Variants in OPA3 observed in about 807,000 individuals in gnomAD.
OPA3 encodes optic atrophy 3 protein.
Under a neutral mutation model 4.0 loss-of-function variants are expected in OPA3, and 6 were observed. The ratio of observed to expected loss-of-function variants is 1.51; its 90% CI spans 0.83 to 2.99. The LOEUF (loss-of-function observed/expected upper bound fraction) is 2.99, where lower values mean the gene tolerates loss of function less well. Among genes scored for constraint, OPA3 ranks in the 30% most tolerant of loss-of-function variants. The probability of loss-of-function intolerance (pLI) is 0.00; values close to 1 mark genes in which losing one functional copy is unlikely to be tolerated. For missense variants in OPA3, 235 were observed against 256.2 expected, an observed-to-expected ratio of 0.92 and a Z score of 0.56; for synonymous variants, 105 against 117.1, an observed-to-expected ratio of 0.90 and a Z score of 0.67.
intron 1 of OPA3, among the ~76,000 whole-genome samples, chr19:45,577,475 C>A (rs2122509319): frequency 6.6e-6 from 1 of 152,268 alleles, no homozygotes; most frequent in East Asian, 1.9e-4. Context: ...ATGTAAGAAG[C>A]CAGTACATTG....
chr19:45,559,392 TC>T lies in OPA3; in HGVS notation c.143-5482del, dbSNP rs1303579494. Among the ~76,000 whole-genome samples the T allele has an allele frequency of 5.0e-3, 566 of 113,132 alleles. 23 individuals carry two copies. The highest frequency in any genetic ancestry group is 0.017 in the African/African-American group (507 of 29,206). 74.2% of individuals were successfully genotyped at this position (113,132 alleles called of 152,430 possible). On this transcript the variant is annotated intron_variant, in intron 1 of 1. Transcript: ENST00000263275. The stretch of plus-strand genomic sequence containing the variant: ...CTTCTCTCTCTTCTTTCCCTCTTTT[TC>T]TTTCTTTTTTTTTTTTTTTTTTTTT...
At chr19:45,566,156 T>C (rs749635543) in intron 1 of OPA3, among the ~76,000 whole-genome samples, 8 of 152,176 alleles carry the variant, frequency 5.3e-5, no homozygotes, top group Non-Finnish European at 1.2e-4. Flanking sequence ...TTTATTATTA[T>C]TATTGTTTTT....
Position 45,553,852 on chromosome 19 carries a change from TG to T in OPA3, c.201del (p.Ile68SerfsTer4). ...KMRIMGFRGT[V>X]IKPLNEEAAA... Reference sequence around the variant, plus strand: ...GCCGCCTCCTCGTTCAGCGGCTTGATGACCGTGCCCCGGAAGCCCATGATGC... The same window carrying T: ...GCCGCCTCCTCGTTCAGCGGCTTGATACCGTGCCCCGGAAGCCCATGATGC... On this transcript the variant is annotated frameshift_variant, in exon 2 of 2. Transcript: ENST00000263275. LOFTEE classifies it low-confidence loss of function (END_TRUNC). 1 of 1,612,400 alleles carries T rather than the reference TG, an allele frequency of 6.2e-7. No individual in the cohort carries two copies. Among genetic ancestry groups the T allele is most frequent in the Non-Finnish European group, 8.5e-7 (1 of 1,178,976 alleles).
intron 1 of OPA3, among the ~76,000 whole-genome samples, chr19:45,574,598 C>T (rs888502778): frequency 1.3e-5 from 2 of 152,108 alleles, no homozygotes; most frequent in Non-Finnish European, 2.9e-5. Context: ...GGTCAAGCTG[C>T]CTGCTCAAAG....
At chr19:45,532,914 G>A (rs1250400444) in intron 1 of OPA3, among the ~76,000 whole-genome samples, 2 of 151,844 alleles carry the variant, frequency 1.3e-5, no homozygotes, top group Admixed American at 6.6e-5. Flanking sequence ...TTTTTGAGAT[G>A]GAGTTTTGCT....
intron 1 of OPA3, among the ~76,000 whole-genome samples, chr19:45,563,183 G>A (rs965692748): frequency 3.9e-5 from 6 of 151,950 alleles, no homozygotes; most frequent in Admixed American, 2.0e-4. Flanking sequence ...TTTTAGAGTC[G>A]GAGTCTCACT....
intron 1 of OPA3, among the ~76,000 whole-genome samples, chr19:45,562,505 A>G (rs1013300219): frequency 2.0e-5 from 3 of 149,528 alleles, no homozygotes; most frequent in Admixed American, 1.4e-4. Flanking sequence ...TCTGGCCAAC[A>G]TGATGAAACC....
At chr19:45,535,425 G>A (rs912470075) in intron 1 of OPA3, among the ~76,000 whole-genome samples, 2 of 146,144 alleles carry the variant, frequency 1.4e-5, no homozygotes, top group African/African-American at 5.1e-5. Context: ...AGGCTGGAGT[G>A]CAGTGGTGCA....
At chr19:45,542,534 T>A (rs544880586), downstream of OPA3, among the ~76,000 whole-genome samples, 6 of 152,288 alleles carry the variant, frequency 3.9e-5, no homozygotes, top group African/African-American at 7.2e-5. Context: ...TACTTGCGTG[T>A]CTAGACACAT....
At chr19:45,556,828 T>G (rs1365070407) in intron 1 of OPA3, among the ~76,000 whole-genome samples, 1 of 152,182 alleles carries the variant, frequency 6.6e-6, no homozygotes, top group Non-Finnish European at 1.5e-5. Context: ...CCTGGGCTTG[T>G]GGGTTCCTGG....
At chr19:45,573,938 G>A (rs1203099646) in intron 1 of OPA3, among the ~76,000 whole-genome samples, 6 of 152,200 alleles carry the variant, frequency 3.9e-5, no homozygotes, top group Non-Finnish European at 8.8e-5. Context: ...CACAGCGGGC[G>A]GATCACTTGA....
At chr19:45,530,309 A>G (rs1243103294) in intron 1 of OPA3, among the ~76,000 whole-genome samples, 1 of 152,064 alleles carries the variant, frequency 6.6e-6, no homozygotes, top group Non-Finnish European at 1.5e-5. Context: ...AGCCGAGATC[A>G]TGCCACTGTA....
chr19:45,562,526 T>TA (rs200088416), intron 1 of OPA3, among the ~76,000 whole-genome samples: 7,752 of 96,920 alleles, frequency 0.08, 286 homozygotes, highest in Non-Finnish European at 0.11. Context: ...CTGTCTCTAC[T>TA]AAAAAAAAAA....
chr19:45,548,216 C>A lies in OPA3; in HGVS notation c.*5298G>T, dbSNP rs1454577554. 2.0e-6 allele frequency: 2 copies of A among 985,852 alleles called. No homozygotes were observed. The highest frequency in any genetic ancestry group is 2.4e-6 in the Non-Finnish European group (2 of 830,266). 61.1% of individuals were successfully genotyped at this position (985,852 alleles called of 1,614,324 possible). A position where few individuals can be genotyped will look rare whatever the true frequency, so the allele number is the denominator to read the frequency against. On this transcript the variant is annotated 3_prime_UTR_variant, in exon 2 of 2. Coordinates refer to ENST00000263275, the MANE Select transcript of OPA3 (RefSeq NM_025136.4). ...CCAAGCCTGCCACTCAGCAACACAG[C>A]GACCAGCCCAGGAGTAGCTCCGTGA...
intron 1 of OPA3, among the ~76,000 whole-genome samples, chr19:45,571,672 A>G (rs1969669131): frequency 2.0e-5 from 3 of 152,134 alleles, no homozygotes; most frequent in Non-Finnish European, 2.9e-5. Flanking sequence ...TGTACTCTAG[A>G]GACTGCTAAA....
intron 1 of OPA3, among the ~76,000 whole-genome samples, chr19:45,529,720 C>CT (rs963629972): frequency 3.7e-4 from 56 of 151,688 alleles, no homozygotes; most frequent in Admixed American, 3.0e-3. Context: ...TGCTGATGCT[C>CT]TTTTTTTTTC....
At chr19:45,539,341 G>A (rs899960226) in intron 1 of OPA3, among the ~76,000 whole-genome samples, 5 of 152,150 alleles carry the variant, frequency 3.3e-5, no homozygotes, top group African/African-American at 1.2e-4. Flanking sequence ...TTACACACCT[G>A]TATTCCCAGC....
rs990810169 is a variant in OPA3 at position 45,582,166 on chromosome 19, A to T, written c.142+2457T>A. Among the ~76,000 whole-genome samples the T allele has an allele frequency of 7.0e-4, 100 of 142,450 alleles. 1 individual carries two copies. Among genetic ancestry groups the T allele is most frequent in the African/African-American group, 1.5e-3 (58 of 39,088 alleles). 93.5% of individuals were successfully genotyped at this position (142,450 alleles called of 152,430 possible). The stretch of plus-strand genomic sequence containing the variant: ...GGAGATTTTATTTTTATTTTATTTT[A>T]TTTTTTTTTTTTGAGATGGATTTTC... On this transcript the variant is annotated intron_variant, in intron 1 of 1. Transcript: ENST00000263275.
intron 1 of OPA3, among the ~76,000 whole-genome samples, chr19:45,573,950 G>A (rs1969727072): frequency 6.6e-6 from 1 of 151,888 alleles, no homozygotes; most frequent in South Asian, 2.1e-4. Flanking sequence ...ATCACTTGAG[G>A]TCAGGAGTTG....
Sources: gnomAD v4.1 joint callset for allele counts (sites outside exome capture counted in the v4.1 genomes callset) on GRCh38, gnomAD v4.1.1 for gene constraint, MANE v1.5 for transcripts, NCBI Gene and HGNC (gene_info 2026-07-23, HGNC 2026-07-21) for gene names.